The following PABPC4L variants were observed in gnomAD, a reference collection of about 807,000 sequenced individuals.
The protein encoded by PABPC4L is polyadenylate-binding protein 4-like.
For missense variants in PABPC4L, 452 were observed against 451.4 expected (o/e 1.00, Z -0.01); for synonymous variants, 169 against 164.1 (o/e 1.03, Z -0.23).
At chr4:133,995,376 A>G in the PABPC4L span, among the ~76,000 whole-genome samples, 1 of 152,184 alleles carries the variant, frequency 6.6e-6, no homozygotes, top group Non-Finnish European at 1.5e-5. Context: ...TGTGTGTTTC[A>G]GTCCCCACCA....
chr4:134,181,021 C>T, the PABPC4L span, among the ~76,000 whole-genome samples: 8 of 151,812 alleles, frequency 5.3e-5, no homozygotes, highest in African/African-American at 1.9e-4. Context: ...TCCTCCCTAA[C>T]TCTACGAGGT....
the PABPC4L span, among the ~76,000 whole-genome samples, chr4:134,001,586 C>T: frequency 2.0e-5 from 3 of 151,866 alleles, no homozygotes; most frequent in East Asian, 5.8e-4. Flanking sequence ...AAGTTGGGAT[C>T]GATACTATAG....
At chr4:134,049,341 A>G in the PABPC4L span, among the ~76,000 whole-genome samples, 1 of 152,132 alleles carries the variant, frequency 6.6e-6, no homozygotes, top group Non-Finnish European at 1.5e-5. Context: ...TTCCTCTTTT[A>G]TTTAGATCAG....
At chr4:134,058,010 C>T in the PABPC4L span, among the ~76,000 whole-genome samples, 19 of 151,950 alleles carry the variant, frequency 1.3e-4, no homozygotes, top group Admixed American at 1.2e-3. Context: ...GTGACAAAAA[C>T]AGCATTTTTA....
chr4:134,040,112 A>G, the PABPC4L span, among the ~76,000 whole-genome samples: 1 of 152,070 alleles, frequency 6.6e-6, no homozygotes, highest in Admixed American at 6.6e-5. Flanking sequence ...GGATAGGAAG[A>G]ATCCATATCA....
chr4:134,036,978 C>T, the PABPC4L span, among the ~76,000 whole-genome samples: 2 of 151,290 alleles, frequency 1.3e-5, no homozygotes, highest in African/African-American at 2.4e-5. Context: ...ATCATTTGAA[C>T]CCAGGAGGTG....
At chr4:133,986,909 C>A in the PABPC4L span, among the ~76,000 whole-genome samples, 2 of 151,786 alleles carry the variant, frequency 1.3e-5, no homozygotes, top group Non-Finnish European at 2.9e-5. Context: ...CTAATTTTTG[C>A]ATTTTTAGTA....
At chr4:134,030,239 A>C in the PABPC4L span, among the ~76,000 whole-genome samples, 1 of 152,094 alleles carries the variant, frequency 6.6e-6, no homozygotes, top group Non-Finnish European at 1.5e-5. Context: ...GAACTGGGTA[A>C]CAGGCAGAGG....
chr4:134,151,263 T>C, the PABPC4L span, among the ~76,000 whole-genome samples: 1 of 152,252 alleles, frequency 6.6e-6, no homozygotes, highest in South Asian at 2.1e-4. Context: ...CATACTTTAC[T>C]GTATATGTAT....
At chr4:134,085,430 A>G in the PABPC4L span, among the ~76,000 whole-genome samples, 2 of 152,142 alleles carry the variant, frequency 1.3e-5, no homozygotes, top group Non-Finnish European at 1.5e-5. Flanking sequence ...TAAAATATAC[A>G]CACATAATAC....
At chr4:134,129,323 G>T in the PABPC4L span, among the ~76,000 whole-genome samples, 2,307 of 152,072 alleles carry the variant, frequency 0.015, 28 homozygotes, top group Non-Finnish European at 0.024. Flanking sequence ...AGAACAAATG[G>T]ATTTCACAGA....
chr4:134,124,193 C>A, the PABPC4L span, among the ~76,000 whole-genome samples: 1 of 151,826 alleles, frequency 6.6e-6, no homozygotes, highest in Non-Finnish European at 1.5e-5. Context: ...TTTGTCATAC[C>A]CAACTAAAAC....
At chr4:133,968,116 G>T in the PABPC4L span, among the ~76,000 whole-genome samples, 1 of 152,062 alleles carries the variant, frequency 6.6e-6, no homozygotes, top group Non-Finnish European at 1.5e-5. Context: ...GAATATTATA[G>T]GCTTTCCATA....
chr4:134,027,732 G>A, the PABPC4L span, among the ~76,000 whole-genome samples: 1 of 151,994 alleles, frequency 6.6e-6, no homozygotes, highest in African/African-American at 2.4e-5. Flanking sequence ...ATTTCACATT[G>A]GATCATAAAT....
the PABPC4L span, chr4:134,010,809 T>C: frequency 6.6e-6 from 1 of 152,164 alleles, no homozygotes; most frequent in African/African-American, 2.4e-5. Context: ...CTGCAATTTT[T>C]TGAAGTACTG....
chr4:134,025,426 G>T, the PABPC4L span, among the ~76,000 whole-genome samples: 2 of 151,708 alleles, frequency 1.3e-5, no homozygotes, highest in Non-Finnish European at 2.9e-5. Context: ...ACTCCAAGAA[G>T]GGTAGAATAT....
downstream of PABPC4L, among the ~76,000 whole-genome samples, chr4:134,195,044 A>G (rs1468761125): frequency 6.6e-6 from 1 of 151,776 alleles, no homozygotes; most frequent in Non-Finnish European, 1.5e-5. Flanking sequence ...ATTGCAATCT[A>G]TACAATATAA....
At chr4:133,957,912 C>A in the PABPC4L span, among the ~76,000 whole-genome samples, 1 of 152,308 alleles carries the variant, frequency 6.6e-6, no homozygotes, top group African/African-American at 2.4e-5. Flanking sequence ...CTGCGCAGAG[C>A]AGGGGGCCCT....
At chr4:134,062,379 C>A in the PABPC4L span, among the ~76,000 whole-genome samples, 13 of 151,842 alleles carry the variant, frequency 8.6e-5, 1 homozygote, top group Non-Finnish European at 1.8e-4. Context: ...ACTGACCTGC[C>A]AAAAGGTTGC....
Sources: gnomAD v4.1 joint callset for allele counts (sites outside exome capture counted in the v4.1 genomes callset) on GRCh38, gnomAD v4.1.1 for gene constraint, MANE v1.5 for transcripts, NCBI Gene and HGNC (gene_info 2026-07-23, HGNC 2026-07-21) for gene names.